The following SIGLEC1 variants were observed in gnomAD, a reference collection of about 807,000 sequenced individuals.
SIGLEC1 encodes the protein sialoadhesin.
In SIGLEC1, 132 loss-of-function variants were observed where a neutral mutation model predicts 148.0. That is an observed-to-expected ratio of 0.89 (90% CI 0.77 to 1.03). SIGLEC1 has a LOEUF of 1.03. Among genes scored for constraint, SIGLEC1 ranks in the 50% least tolerant of loss-of-function variants. SIGLEC1 has a pLI of 0.00. For synonymous variants in SIGLEC1, 945 were observed against 969.0 expected (o/e 0.98, Z 0.46); for missense variants, 2,253 against 2,271.4 (o/e 0.99, Z 0.16).
At chr20:3,700,697 CTTTTTTTT>C (rs71195856) in intron 7 of SIGLEC1, among the ~76,000 whole-genome samples, 5 of 119,880 alleles carry the variant, frequency 4.2e-5, no homozygotes, top group East Asian at 2.5e-4. Flanking sequence ...TTTTCTTTTT[CTTTTTTTT>C]TTTTTTTTTT....
intron 1 of SIGLEC1, among the ~76,000 whole-genome samples, chr20:3,711,398 C>T (rs1052168839): frequency 6.6e-6 from 1 of 152,088 alleles, no homozygotes; most frequent in Non-Finnish European, 1.5e-5. Flanking sequence ...GGCTGGGGCC[C>T]CAAGTCCCTG....
chr20:3,711,809 G>C (rs1468736157), intron 1 of SIGLEC1, among the ~76,000 whole-genome samples: 1 of 152,172 alleles, frequency 6.6e-6, no homozygotes, highest in African/African-American at 2.4e-5. Context: ...TCTCCAAACT[G>C]TGCTGGACAG....
chr20:3,697,500 G>A (rs1205074077), intron 9 of SIGLEC1, among the ~76,000 whole-genome samples, 158 bp from the exon 10 acceptor site: 1 of 152,082 alleles, frequency 6.6e-6, no homozygotes, highest in East Asian at 1.9e-4. Flanking sequence ...AGGAGAAGTG[G>A]GCCCTGGGGA....
chr20:3,692,213 G>T lies in SIGLEC1; in HGVS notation c.4031-11C>A. 1 of 1,531,802 alleles carries T rather than the reference G, an allele frequency of 6.5e-7. No individual in the cohort carries two copies. Among genetic ancestry groups the T allele is most frequent in the Non-Finnish European group, 8.8e-7 (1 of 1,140,574 alleles). 94.9% of individuals were successfully genotyped at this position (1,531,802 alleles called of 1,614,324 possible). ...CGTCCTGAGGGGCATCTGTGGGCAG[G>T]CAGGGCACAGATGGGGACCTTGCTT... On this transcript the variant is annotated splice_polypyrimidine_tract_variant and intron_variant, in intron 16 of 21. Transcript: ENST00000344754.
At chr20:3,692,305 G>T in intron 16 of SIGLEC1, 103 bp from the exon 17 acceptor site, 1 of 1,275,572 alleles carries the variant, frequency 7.8e-7, no homozygotes, top group Non-Finnish European at 1.1e-6. Flanking sequence ...TGGACCAATG[G>T]CCACTTCCTA....
At chr20:3,702,672 A>T (rs909007730) in intron 6 of SIGLEC1, among the ~76,000 whole-genome samples, 1 of 152,174 alleles carries the variant, frequency 6.6e-6, no homozygotes, top group African/African-American at 2.4e-5. Flanking sequence ...TGATCTTAGG[A>T]ATTTAGCGGT....
At chr20:3,708,439 A>G (rs552532566) in intron 1 of SIGLEC1, among the ~76,000 whole-genome samples, 15 of 142,912 alleles carry the variant, frequency 1.0e-4, no homozygotes, top group Non-Finnish European at 2.0e-4. Context: ...TAAAAGCACG[A>G]AAAAAAAAAA....
chr20:3,693,533 A>C lies in SIGLEC1; in HGVS notation c.3422T>G (p.Val1141Gly). The change falls in exon 14 of 22, where the codon GTC becomes GGC. Residue 1141 changes from valine (V) to glycine (G), a missense_variant. Physicochemically the swap from Val to Gly is moderately radical, Grantham distance 109. Transcript: ENST00000344754. ...AHSIPLPNVT[V>G]RDATSYRCGV... ...GCAGCGGTAGGAGGTGGCATCCCTG[A>C]CTGTGACGTTGGGCAGGGGGATGGA... is the stretch of plus-strand genomic sequence containing the variant. 6.2e-7 allele frequency: 1 copy of C among 1,611,916 alleles called. No homozygotes were observed. The highest frequency in any genetic ancestry group is 2.2e-5 in the East Asian group (1 of 44,820).
At chr20:3,689,575 G>T in intron 20 of SIGLEC1, 25 bp downstream of exon 20, 1 of 1,508,956 alleles carries the variant, frequency 6.6e-7, no homozygotes, top group Non-Finnish European at 9.0e-7. Context: ...CCAATCTTCT[G>T]GCCCACTCCC....
Position 3,701,367 on chromosome 20 carries a change from G to A in SIGLEC1, c.1503C>T (p.Thr501=), listed in dbSNP as rs776942809. 6.8e-6 allele frequency: 11 copies of A among 1,613,234 alleles called. 1 individual carries two copies. In the South Asian group the frequency reaches 1.1e-4, roughly 16 times the overall value. Residue 501 remains threonine (T), a synonymous_variant, in exon 7 of 22, where the codon ACC becomes ACT. Coordinates refer to ENST00000344754, the MANE Select transcript of SIGLEC1 (RefSeq NM_023068.4). ...CSATNSLGNA[T]STLDFHANAA... is the part of the protein sequence containing the mutation. ...CATTGGCATGGAAGTCCAGGGTGGA[G>A]GTTGCATTTCCAAGGGAGTTGGTGG...
chr20:3,701,361 G>A lies in SIGLEC1; in HGVS notation c.1509C>T (p.Thr503=). The change falls in exon 7 of 22, where the codon ACC becomes ACT. Residue 503 remains threonine (T), a synonymous_variant. Transcript: ENST00000344754. ...ATNSLGNATS[T]LDFHANAARL... is the part of the protein sequence containing the mutation. ...TCTTACCATTGGCATGGAAGTCCAG[G>A]GTGGAGGTTGCATTTCCAAGGGAGT... is the stretch of plus-strand genomic sequence containing the variant. The A allele has an allele frequency of 6.2e-7, 1 of 1,612,578 alleles. No homozygotes were observed. The highest frequency in any genetic ancestry group is 1.7e-5 in the Admixed American group (1 of 59,956).
chr20:3,703,483 T>C, intron 5 of SIGLEC1, 32 bp from the exon 6 acceptor site: 1 of 1,539,152 alleles, frequency 6.5e-7, no homozygotes, highest in Non-Finnish European at 8.8e-7. Context: ...TGCTGGGGGG[T>C]CCCAGCCAAC....
In SIGLEC1 at chr20:3,701,340, A is replaced by G. The variant is rs755912574; in HGVS notation, c.1528+2T>C. On this transcript the variant is annotated splice_donor_variant, in intron 7 of 21. Coordinates refer to ENST00000344754, the MANE Select transcript of SIGLEC1 (RefSeq NM_023068.4). LOFTEE classifies it high-confidence loss of function. ...CTCCCTGGCTGCCAGTGCCCATCTTACCATTGGCATGGAAGTCCAGGGTGG... is the reference window on the plus strand; with the variant it reads ...CTCCCTGGCTGCCAGTGCCCATCTTGCCATTGGCATGGAAGTCCAGGGTGG... 23 of 1,603,120 alleles carry G rather than the reference A, an allele frequency of 1.4e-5. No homozygotes were observed. Among genetic ancestry groups the G allele is most frequent in the Non-Finnish European group, 1.9e-5 (22 of 1,173,618 alleles).
In SIGLEC1 at chr20:3,703,871, G is replaced by T; in HGVS notation, c.927C>A (p.Asn309Lys). 6.2e-7 allele frequency: 1 copy of T among 1,614,064 alleles called. No individual in the cohort carries two copies. The highest frequency in any genetic ancestry group is 8.5e-7 in the Non-Finnish European group (1 of 1,180,010). The stretch of plus-strand genomic sequence containing the variant: ...GGGGTGAGACCAAAGAGCCCACGCC[G>T]TTCTCAGCTTGGCAGGTGTAGACGC... Reference protein sequence around the residue: ...DAGVYTCQAENGVGSLVSPPI... With the variant: ...DAGVYTCQAEKGVGSLVSPPI... Residue 309 changes from asparagine (N) to lysine (K), a missense_variant, in exon 5 of 22, where the codon AAC becomes AAA. By Grantham distance (94) the Asn-to-Lys change is moderately conservative. Transcript: ENST00000344754.
chr20:3,700,499 G>T (rs2087842149), intron 7 of SIGLEC1, among the ~76,000 whole-genome samples: 2 of 151,740 alleles, frequency 1.3e-5, no homozygotes, highest in Admixed American at 1.3e-4. Context: ...TGGGAGGATG[G>T]CTTGAGCCCA....
Position 3,701,368 on chromosome 20 carries a change from G to A in SIGLEC1, c.1502C>T (p.Thr501Ile). The A allele has an allele frequency of 6.2e-7, 1 of 1,613,400 alleles. No individual in the cohort carries two copies. Among genetic ancestry groups the A allele is most frequent in the Non-Finnish European group, 8.5e-7 (1 of 1,179,484 alleles). The change falls in exon 7 of 22, where the codon ACC becomes ATC. Residue 501 changes from threonine to isoleucine, a missense_variant. Coordinates refer to ENST00000344754, the MANE Select transcript of SIGLEC1 (RefSeq NM_023068.4). ...ATTGGCATGGAAGTCCAGGGTGGAG[G>A]TTGCATTTCCAAGGGAGTTGGTGGC... is the stretch of plus-strand genomic sequence containing the variant. ...CSATNSLGNA[T>I]STLDFHANAA...
chr20:3,698,199 G>A (rs2087821773), intron 8 of SIGLEC1, 66 bp from the exon 9 acceptor site: 1 of 1,373,722 alleles, frequency 7.3e-7, no homozygotes, highest in Non-Finnish European at 9.9e-7. Context: ...GCCTGGCTAG[G>A]CTCCCAGAAT....
intron 13 of SIGLEC1, 43 bp downstream of exon 13, chr20:3,694,178 C>T: frequency 1.1e-6 from 1 of 909,448 alleles, no homozygotes; most frequent in Non-Finnish European, 1.4e-6. Flanking sequence ...TTAAAGGACA[C>T]ACACACACAC....
At chr20:3,700,803 C>A (rs543920158) in intron 7 of SIGLEC1, among the ~76,000 whole-genome samples, 2 of 150,794 alleles carry the variant, frequency 1.3e-5, no homozygotes, top group African/African-American at 4.9e-5. Flanking sequence ...TGGGTTCAAG[C>A]GATTCTCCTG....
Sources: gnomAD v4.1 joint callset for allele counts (sites outside exome capture counted in the v4.1 genomes callset) on GRCh38, gnomAD v4.1.1 for gene constraint, MANE v1.5 for transcripts, NCBI Gene and HGNC (gene_info 2026-07-23, HGNC 2026-07-21) for gene names.